PLEKHA3: variants seen among roughly 807,000 people sequenced by gnomAD.
The protein encoded by PLEKHA3 is pleckstrin homology domain containing A3.
PLEKHA3 carries 19 observed loss-of-function variants against 39.2 expected under a neutral mutation model. The observed-to-expected ratio is 0.48, with a 90% CI of 0.34 to 0.71. PLEKHA3 has a LOEUF of 0.71. Among genes scored for constraint, PLEKHA3 ranks in the 30% least tolerant of loss-of-function variants. PLEKHA3 has a pLI of 0.01. For missense variants in PLEKHA3, 253 were observed against 359.5 expected, an observed-to-expected ratio of 0.70 and a Z score of 2.40; for synonymous variants, 97 against 118.6, an observed-to-expected ratio of 0.82 and a Z score of 1.18.
chr2:178,484,014 C>G (rs1685211803), intron 1 of PLEKHA3, among the ~76,000 whole-genome samples: 1 of 152,148 alleles, frequency 6.6e-6, no homozygotes, highest in African/African-American at 2.4e-5. Flanking sequence ...GAGGTTGAGG[C>G]TGTGGTGAGC....
At position 178,503,974 on chromosome 2, in the gene PLEKHA3, C is replaced by T; in HGVS notation, c.*87C>T. The T allele has an allele frequency of 7.0e-7, 1 of 1,427,180 alleles. No homozygotes were observed. The highest frequency in any genetic ancestry group is 1.9e-5 in the Admixed American group (1 of 53,242). 88.4% of individuals were successfully genotyped at this position (1,427,180 alleles called of 1,614,324 possible). On this transcript the variant is annotated 3_prime_UTR_variant, in exon 8 of 8. Coordinates refer to ENST00000234453, the MANE Select transcript of PLEKHA3 (RefSeq NM_019091.4). Reference sequence around the variant, plus strand: ...ATTGTTATAGGGAGTAGTTTTTTCCCTTAGGACTCTGCACTTTATAGAATG... The same window carrying T: ...ATTGTTATAGGGAGTAGTTTTTTCCTTTAGGACTCTGCACTTTATAGAATG...
At chr2:178,483,309 G>A (rs941486349) in intron 1 of PLEKHA3, among the ~76,000 whole-genome samples, 2 of 150,288 alleles carry the variant, frequency 1.3e-5, no homozygotes, top group African/African-American at 4.9e-5. Flanking sequence ...AAGAATTTCA[G>A]TAACATTTTG....
chr2:178,505,794 A>G lies in PLEKHA3; in HGVS notation c.*1907A>G, dbSNP rs1260709673. On this transcript the variant is annotated 3_prime_UTR_variant, in exon 8 of 8. Transcript: ENST00000234453. ...TTTTCTGTGAATATTTTAAAAATAC[A>G]ATGCAATTATTTCTGGTTTGTATCA... 6.6e-6 allele frequency: 1 copy of G among 152,058 alleles called. No individual in the cohort carries two copies. Among genetic ancestry groups the G allele is most frequent in the African/African-American group, 2.4e-5 (1 of 41,418 alleles). The allele number at this position is 152,058 out of a possible 1,614,324, so 9.4% of individuals were successfully genotyped here.
rs113579236 is a variant in PLEKHA3 at position 178,491,230 on chromosome 2, C to T, written c.313+416C>T. 3.9e-5 allele frequency among the ~76,000 whole-genome samples: 6 copies of T among 152,138 alleles called. No homozygotes were observed. In the South Asian group the frequency reaches 8.3e-4, roughly 21 times the overall value. On this transcript the variant is annotated intron_variant, in intron 3 of 7. Transcript: ENST00000234453. ...TTCACCATGCTGGCCAAGCTGGTCTCGAATTCCCGACCTCAGGTAATCCGC... is the reference window on the plus strand; with the variant it reads ...TTCACCATGCTGGCCAAGCTGGTCTTGAATTCCCGACCTCAGGTAATCCGC...
rs760946319 is a variant in PLEKHA3 at position 178,504,739 on chromosome 2, TGTAAA to T, written c.*856_*860del. 8 of 152,376 alleles carry T rather than the reference TGTAAA, an allele frequency of 5.3e-5. No homozygotes were observed. The highest frequency in any genetic ancestry group is 3.8e-4 in the East Asian group (2 of 5,198). 9.4% of individuals were successfully genotyped at this position (152,376 alleles called of 1,614,324 possible). A position where few individuals can be genotyped will look rare whatever the true frequency, so the allele number is the denominator to read the frequency against. Reference sequence around the variant, plus strand: ...CCTAAAATAGATATTAAGCTGCTGTTGTAAAGTATTGTTTGCAGCTCTTTCCAATA... The same window carrying T: ...CCTAAAATAGATATTAAGCTGCTGTTGTATTGTTTGCAGCTCTTTCCAATA... On this transcript the variant is annotated 3_prime_UTR_variant, in exon 8 of 8. Transcript: ENST00000234453.
At chr2:178,483,827 C>T (rs886079815) in intron 1 of PLEKHA3, among the ~76,000 whole-genome samples, 2 of 152,148 alleles carry the variant, frequency 1.3e-5, no homozygotes, top group Admixed American at 6.5e-5. Flanking sequence ...ATCTGTAATC[C>T]TAGCACTTTG....
At chr2:178,481,675 C>T (rs1022091222) in intron 1 of PLEKHA3, among the ~76,000 whole-genome samples, 2 of 152,142 alleles carry the variant, frequency 1.3e-5, no homozygotes, top group African/African-American at 4.8e-5. Flanking sequence ...CAATCTCTGC[C>T]ATCAACCAAC....
intron 7 of PLEKHA3, 118 bp downstream of exon 7, chr2:178,501,294 C>G: frequency 1.4e-6 from 1 of 726,588 alleles, no homozygotes. Flanking sequence ...TCTTTGATTC[C>G]TTAATTCAGA....
chr2:178,483,350 AAAG>A (rs1480185707), intron 1 of PLEKHA3, among the ~76,000 whole-genome samples: 1 of 152,188 alleles, frequency 6.6e-6, no homozygotes, highest in Non-Finnish European at 1.5e-5. Flanking sequence ...TAAAAAAAAA[AAAG>A]AATTTTAAAA....
chr2:178,494,113 C>A, intron 4 of PLEKHA3, 124 bp downstream of exon 4: 3 of 1,074,884 alleles, frequency 2.8e-6, no homozygotes, highest in Non-Finnish European at 4.0e-6. Flanking sequence ...CTGGGTTCTG[C>A]CTACTGTATA....
At chr2:178,496,411 A>T (rs1685446566) in intron 5 of PLEKHA3, among the ~76,000 whole-genome samples, 1 of 152,242 alleles carries the variant, frequency 6.6e-6, no homozygotes, top group African/African-American at 2.4e-5. Context: ...AGGAGTAAGA[A>T]TGCCACCTTG....
chr2:178,508,512 A>G lies in PLEKHA3; in HGVS notation c.*4625A>G, dbSNP rs746773723. 5 of 152,382 alleles carry G rather than the reference A, an allele frequency of 3.3e-5. No individual in the cohort carries two copies. The highest frequency in any genetic ancestry group is 7.4e-5 in the Non-Finnish European group (5 of 67,994). The allele number at this position is 152,382 out of a possible 1,614,324, so 9.4% of individuals were successfully genotyped here. ...CTGAAGCCTTTCTTAGAAATCATCT[A>G]TTCATATTAGTCATGTATTAAAAAG... On this transcript the variant is annotated 3_prime_UTR_variant, in exon 8 of 8. Transcript: ENST00000234453.
At chr2:178,498,377 C>A (rs1436115157) in intron 5 of PLEKHA3, among the ~76,000 whole-genome samples, 1 of 152,142 alleles carries the variant, frequency 6.6e-6, no homozygotes, top group African/African-American at 2.4e-5. Context: ...GGCTCATGTT[C>A]CAAATATAGA....
intron 4 of PLEKHA3, among the ~76,000 whole-genome samples, chr2:178,494,894 C>A (rs1215271422): frequency 2.0e-5 from 3 of 151,202 alleles, no homozygotes; most frequent in Non-Finnish European, 2.9e-5. Flanking sequence ...AATTCCCTAG[C>A]CAACTTCTCA....
chr2:178,498,623 T>C (rs548915028), intron 5 of PLEKHA3, among the ~76,000 whole-genome samples: 17 of 152,324 alleles, frequency 1.1e-4, no homozygotes, highest in African/African-American at 3.6e-4. Context: ...TAATTAGGTA[T>C]TCTTTATTTT....
rs1234480363 is a variant in PLEKHA3, at chr2:178,506,406, G to A, written c.*2519G>A. 1 of 152,122 alleles carries A rather than the reference G, an allele frequency of 6.6e-6. No homozygotes were observed. The highest frequency in any genetic ancestry group is 1.5e-5 in the Non-Finnish European group (1 of 67,996). The allele number at this position is 152,122 out of a possible 1,614,324, so 9.4% of individuals were successfully genotyped here. ...ATTCTTTTATAAATGAGCTGAATTT[G>A]AATTTTCTTACATCATATGGGATTA... On this transcript the variant is annotated 3_prime_UTR_variant, in exon 8 of 8. Coordinates refer to ENST00000234453, the MANE Select transcript of PLEKHA3 (RefSeq NM_019091.4).
chr2:178,501,106 C>G lies in PLEKHA3; in HGVS notation c.705C>G (p.Leu235=). Residue 235 remains leucine, a synonymous_variant, in exon 7 of 8, where the codon CTC becomes CTG. Coordinates refer to ENST00000234453, the MANE Select transcript of PLEKHA3 (RefSeq NM_019091.4). ...AACCAGTATCTACACTTCACCGACTCTCCCAGCGACGCCGAAGAACCTACT... is the reference window on the plus strand; with the variant it reads ...AACCAGTATCTACACTTCACCGACTGTCCCAGCGACGCCGAAGAACCTACT... The part of the protein sequence containing the change: ...IKEPVSTLHR[L]SQRRRRTYSD... The G allele has an allele frequency of 6.2e-7, 1 of 1,613,388 alleles. No homozygotes were observed. The highest frequency in any genetic ancestry group is 8.5e-7 in the Non-Finnish European group (1 of 1,179,440).
chr2:178,491,281 G>C (rs1012729113), intron 3 of PLEKHA3, among the ~76,000 whole-genome samples: 1 of 152,170 alleles, frequency 6.6e-6, no homozygotes, highest in Non-Finnish European at 1.5e-5. Flanking sequence ...AAAGTGCTGG[G>C]ATTACAGGCA....
rs1685523653 is a variant in PLEKHA3, at chr2:178,501,125, A to G, written c.724A>G (p.Thr242Ala). The G allele has an allele frequency of 6.2e-7, 1 of 1,613,304 alleles. No homozygotes were observed. The highest frequency in any genetic ancestry group is 1.3e-5 in the African/African-American group (1 of 74,874). ...CCGACTCTCCCAGCGACGCCGAAGA[A>G]CCTACTCAGATACAGATTCTTGTAG... Reference protein sequence around the residue: ...LHRLSQRRRRTYSDTDSCSDI... With the variant: ...LHRLSQRRRRAYSDTDSCSDI... Residue 242 changes from threonine to alanine, a missense_variant, in exon 7 of 8, where the codon ACC becomes GCC. Thr to Ala is a moderately conservative substitution (Grantham distance 58, BLOSUM62 0). Coordinates refer to ENST00000234453, the MANE Select transcript of PLEKHA3 (RefSeq NM_019091.4).
Sources: gnomAD v4.1 joint callset for allele counts (sites outside exome capture counted in the v4.1 genomes callset) on GRCh38, gnomAD v4.1.1 for gene constraint, MANE v1.5 for transcripts, NCBI Gene and HGNC (gene_info 2026-07-23, HGNC 2026-07-21) for gene names.